The following GPHN variants were observed in gnomAD, a reference collection of about 807,000 sequenced individuals.
GPHN encodes gephyrin.
In GPHN, 17 loss-of-function variants were observed where a neutral mutation model predicts 95.5. The ratio of observed to expected loss-of-function variants is 0.18; its 90% CI spans 0.12 to 0.27. The LOEUF is 0.27. Among genes scored for constraint, GPHN ranks in the 10% least tolerant of loss-of-function variants. The pLI is 1.00. For synonymous variants in GPHN, 320 were observed against 322.5 expected (o/e 0.99, Z 0.08); for missense variants, 660 against 978.1 (o/e 0.67, Z 4.34).
chr14:67,395,546 T>C, the GPHN span: 2 of 1,614,148 alleles, frequency 1.2e-6, no homozygotes, highest in Non-Finnish European at 1.7e-6. Context: ...CTCCAGGAAG[T>C]ACTCCGTGGA....
In GPHN at chr14:66,567,380, G is replaced by A. The variant is rs143882147; in HGVS notation, c.64+58789G>A. Among the ~76,000 whole-genome samples, 640 of 152,302 alleles carry A rather than the reference G, an allele frequency of 4.2e-3. 2 individuals are homozygous for A. The highest frequency in any genetic ancestry group is 0.015 in the African/African-American group (618 of 41,568). On this transcript the variant is annotated intron_variant, in intron 1 of 22. Coordinates refer to ENST00000478722, the MANE Select transcript of GPHN (RefSeq NM_020806.5). ...TAATACTGAATTACTTTCATCTGAA[G>A]TCTTCCAGGGGCCTGATCATTCTGT...
chr14:67,275,192 T>C, the GPHN span, among the ~76,000 whole-genome samples: 2 of 152,224 alleles, frequency 1.3e-5, no homozygotes, highest in Admixed American at 6.5e-5. Flanking sequence ...ATTCCTGTCT[T>C]GTGGCAGTTT....
chr14:66,547,331 C>T (rs1301189086), intron 1 of GPHN, among the ~76,000 whole-genome samples: 1 of 151,996 alleles, frequency 6.6e-6, no homozygotes, highest in Non-Finnish European at 1.5e-5. Context: ...GATTGTTTTC[C>T]ATTTGTTTTG....
At chr14:66,974,214 G>T (rs1462696941) in intron 9 of GPHN, among the ~76,000 whole-genome samples, 3 of 152,144 alleles carry the variant, frequency 2.0e-5, no homozygotes, top group Non-Finnish European at 4.4e-5. Flanking sequence ...GTATGGGAAA[G>T]AATTTAATAT....
chr14:66,522,024 T>C (rs1305529579), intron 1 of GPHN, among the ~76,000 whole-genome samples: 2 of 152,076 alleles, frequency 1.3e-5, no homozygotes, highest in African/African-American at 4.8e-5. Context: ...GCCATGAAAA[T>C]GCTCCTCTGG....
At chr14:67,575,729 C>T in the GPHN span, 85 of 946,350 alleles carry the variant, frequency 9.0e-5, no homozygotes, top group African/African-American at 3.3e-4. Context: ...TCCATATCCA[C>T]GATTCCCAGC....
At chr14:66,560,192 C>G (rs1380983574) in intron 1 of GPHN, among the ~76,000 whole-genome samples, 1 of 152,034 alleles carries the variant, frequency 6.6e-6, no homozygotes, top group Non-Finnish European at 1.5e-5. Flanking sequence ...CAGCTTTGTT[C>G]TTTTGGCTTA....
At chr14:66,593,815 T>G (rs565933712) in intron 1 of GPHN, among the ~76,000 whole-genome samples, 1 of 152,272 alleles carries the variant, frequency 6.6e-6, no homozygotes, top group East Asian at 1.9e-4. Flanking sequence ...CTGAAAGTAC[T>G]AACCAGAACA....
the GPHN span, among the ~76,000 whole-genome samples, chr14:67,610,323 T>C: frequency 6.6e-6 from 1 of 152,268 alleles, no homozygotes; most frequent in South Asian, 2.1e-4. Flanking sequence ...GAGGCCAAGA[T>C]AACTATAAGA....
intron 9 of GPHN, among the ~76,000 whole-genome samples, chr14:67,017,879 G>C (rs749039703): frequency 1.3e-5 from 2 of 152,020 alleles, no homozygotes; most frequent in Non-Finnish European, 2.9e-5. Context: ...AACAGGTACA[G>C]GAATGGCTAT....
At chr14:67,317,832 A>G in the GPHN span, among the ~76,000 whole-genome samples, 2 of 152,234 alleles carry the variant, frequency 1.3e-5, no homozygotes, top group African/African-American at 2.4e-5. Context: ...CTGAGAACCC[A>G]CTACCTGCTG....
the GPHN span, chr14:67,645,700 C>A: frequency 6.2e-7 from 1 of 1,614,068 alleles, no homozygotes; most frequent in Non-Finnish European, 8.5e-7. Context: ...TTTGTGTTGT[C>A]TGGGTTGATG....
the GPHN span, among the ~76,000 whole-genome samples, chr14:67,201,908 A>G: frequency 2.6e-5 from 4 of 152,108 alleles, no homozygotes. Flanking sequence ...ACCAAGTGGC[A>G]GAGATTTTAC....
chr14:67,729,332 A>C, the GPHN span: 2 of 1,599,332 alleles, frequency 1.3e-6, no homozygotes, highest in Admixed American at 1.7e-5. Flanking sequence ...ACCAGCCTGC[A>C]CTGCGCCCTG....
chr14:66,945,289 C>G (rs758829173), intron 8 of GPHN, among the ~76,000 whole-genome samples: 21 of 152,222 alleles, frequency 1.4e-4, no homozygotes, highest in Non-Finnish European at 2.4e-4. Flanking sequence ...AGCTGAAGAG[C>G]CCAGGCTCCT....
At chr14:67,551,081 T>A in the GPHN span, among the ~76,000 whole-genome samples, 1 of 152,222 alleles carries the variant, frequency 6.6e-6, no homozygotes, top group African/African-American at 2.4e-5. Context: ...GCTATATACA[T>A]ATAAGCTAAA....
At chr14:66,732,764 C>G (rs1460512061) in intron 2 of GPHN, among the ~76,000 whole-genome samples, 1 of 152,194 alleles carries the variant, frequency 6.6e-6, no homozygotes, top group African/African-American at 2.4e-5. Context: ...ATCCACCCCC[C>G]TCGGCCTCCC....
At position 66,836,726 on chromosome 14, in the gene GPHN, T is replaced by A. The variant is rs1054485219; in HGVS notation, c.294+12160T>A. 1.9e-3 allele frequency among the ~76,000 whole-genome samples: 278 copies of A among 150,108 alleles called. 2 individuals carry two copies. The highest frequency in any genetic ancestry group is 6.4e-3 in the African/African-American group (257 of 40,166). On this transcript the variant is annotated intron_variant, in intron 4 of 22. Transcript: ENST00000478722. The stretch of plus-strand genomic sequence containing the variant: ...AAGCACTAATATCCAGAATCTACAA[T>A]GAACTCAAACAAATTTACAAGAAAA...
intron 13 of GPHN, among the ~76,000 whole-genome samples, chr14:67,108,104 A>G (rs2078150815): frequency 6.6e-6 from 1 of 152,242 alleles, no homozygotes; most frequent in African/African-American, 2.4e-5. Flanking sequence ...AGGAATCTGC[A>G]GCACCCAGGA....
Sources: gnomAD v4.1 joint callset for allele counts (sites outside exome capture counted in the v4.1 genomes callset) on GRCh38, gnomAD v4.1.1 for gene constraint, MANE v1.5 for transcripts, NCBI Gene and HGNC (gene_info 2026-07-23, HGNC 2026-07-21) for gene names.